CELF1: variants seen among roughly 807,000 people sequenced by gnomAD.
CELF1 encodes the protein CUGBP Elav-like family member 1, also known as 50 kDa nuclear polyadenylated RNA-binding protein.
In CELF1, 10 loss-of-function variants were observed where a neutral mutation model predicts 61.8. The ratio of observed to expected loss-of-function variants is 0.16; its 90% CI spans 0.10 to 0.27. The LOEUF (loss-of-function observed/expected upper bound fraction) is 0.27. Ranked by LOEUF, CELF1 falls within the 10% of genes least tolerant of loss-of-function variation. The pLI is 1.00. For synonymous variants in CELF1, 236 were observed against 225.1 expected, an observed-to-expected ratio of 1.05 and a Z score of -0.43; for missense variants, 380 against 639.1, an observed-to-expected ratio of 0.59 and a Z score of 4.37.
intron 1 of CELF1, among the ~76,000 whole-genome samples, chr11:47,535,517 A>T (rs1210587399): frequency 2.0e-5 from 3 of 151,582 alleles, no homozygotes; most frequent in African/African-American, 7.3e-5. Context: ...CGTCTCTACT[A>T]AAAATAGAAA....
chr11:47,536,344 C>T lies in CELF1; in HGVS notation c.-154+16648G>A, dbSNP rs370702249. On this transcript the variant is annotated intron_variant, in intron 1 of 14. Coordinates refer to ENST00000687097, the MANE Select transcript of CELF1 (RefSeq NM_001376376.1). ...TTGCACCACTGTACTCCATCGTGGG[C>T]GACAAGGCGAGATTGTCATAAATAA... 6.6e-4 allele frequency among the ~76,000 whole-genome samples: 101 copies of T among 152,130 alleles called. 1 individual carries two copies. The highest frequency in any genetic ancestry group is 2.4e-3 in the African/African-American group (98 of 41,504).
At chr11:47,489,277 A>G (rs2089651467) in intron 3 of CELF1, among the ~76,000 whole-genome samples, 1 of 152,088 alleles carries the variant, frequency 6.6e-6, no homozygotes, top group South Asian at 2.1e-4. Flanking sequence ...GACAGTGTAC[A>G]TTTCTTATCT....
At chr11:47,543,505 G>A (rs1410601171) in intron 1 of CELF1, among the ~76,000 whole-genome samples, 2 of 152,098 alleles carry the variant, frequency 1.3e-5, no homozygotes, top group South Asian at 2.1e-4. Flanking sequence ...GCACAGCAGA[G>A]GTTAAAAAAT....
chr11:47,477,132 G>A (rs1371969978), intron 11 of CELF1, 165 bp downstream of exon 11: 3 of 908,114 alleles, frequency 3.3e-6, no homozygotes, highest in Non-Finnish European at 5.1e-6. Context: ...TGAAAATCAG[G>A]AAGATTTCTC....
intron 9 of CELF1, among the ~76,000 whole-genome samples, chr11:47,481,785 T>C (rs2153433093): frequency 6.6e-6 from 1 of 152,340 alleles, no homozygotes; most frequent in South Asian, 2.1e-4. Context: ...CGAGACCTTC[T>C]TTTGGACTAG....
At chr11:47,496,818 G>A (rs567704958) in intron 3 of CELF1, among the ~76,000 whole-genome samples, 19 of 152,164 alleles carry the variant, frequency 1.2e-4, no homozygotes, top group Non-Finnish European at 2.4e-4. Context: ...GAATAAAGAG[G>A]TAGGTCAGAG....
chr11:47,517,109 T>C (rs1230118159), intron 1 of CELF1, among the ~76,000 whole-genome samples: 1 of 151,842 alleles, frequency 6.6e-6, no homozygotes, highest in Non-Finnish European at 1.5e-5. Context: ...TAGCTGGGTG[T>C]GGTGGCACGT....
chr11:47,553,228 C>A (rs2097187639), upstream of CELF1: 1 of 386,076 alleles, frequency 2.6e-6, no homozygotes, highest in South Asian at 1.4e-4. Flanking sequence ...GCGGCGCCGC[C>A]CGCAGCGCCG....
At chr11:47,520,678 G>A (rs559448578) in intron 1 of CELF1, among the ~76,000 whole-genome samples, 11 of 152,212 alleles carry the variant, frequency 7.2e-5, no homozygotes, top group South Asian at 2.1e-4. Flanking sequence ...TGGGCATGGC[G>A]GCATGTGCCT....
chr11:47,522,166 G>T (rs1355563897), intron 1 of CELF1, among the ~76,000 whole-genome samples: 2 of 151,844 alleles, frequency 1.3e-5, no homozygotes, highest in Non-Finnish European at 2.9e-5. Context: ...GCCTGCCTCG[G>T]CCTCCCAAAG....
At chr11:47,542,248 T>C (rs2096828094) in intron 1 of CELF1, among the ~76,000 whole-genome samples, 3 of 152,118 alleles carry the variant, frequency 2.0e-5, no homozygotes, top group Admixed American at 1.3e-4. Flanking sequence ...CAGGTGCCTA[T>C]AATCCCAGCT....
At chr11:47,561,783 T>C (rs2097226368) in intron 2 of CELF1, among the ~76,000 whole-genome samples, 2 of 152,148 alleles carry the variant, frequency 1.3e-5, no homozygotes, top group Non-Finnish European at 2.9e-5. Flanking sequence ...CATAAACTGA[T>C]AAATGGAGAA....
chr11:47,503,367 T>C (rs1023030137), intron 1 of CELF1, among the ~76,000 whole-genome samples: 11 of 152,096 alleles, frequency 7.2e-5, no homozygotes, highest in African/African-American at 2.7e-4. Context: ...TTGATAGATA[T>C]AACCAGGGAG....
chr11:47,508,549 G>GA lies in CELF1; in HGVS notation c.-153-7618dup, dbSNP rs1256215611. ...ATTTTAACTGCCAGGCCAAGAGAAA[G>GA]AAAAAAAAATGAATTTCTTTAAAAA... is the stretch of plus-strand genomic sequence containing the variant. On this transcript the variant is annotated intron_variant, in intron 1 of 14. Coordinates refer to ENST00000687097, the MANE Select transcript of CELF1 (RefSeq NM_001376376.1). Among the ~76,000 whole-genome samples the GA allele has an allele frequency of 5.9e-3, 563 of 95,606 alleles. 2 individuals are homozygous for GA. The highest frequency in any genetic ancestry group is 8.5e-3 in the Non-Finnish European group (387 of 45,456). The allele number at this position is 95,606 out of a possible 152,430, so 62.7% of individuals were successfully genotyped here. A position where few individuals can be genotyped will look rare whatever the true frequency, so the allele number is the denominator to read the frequency against.
At chr11:47,544,459 A>G (rs1162066408) in intron 1 of CELF1, among the ~76,000 whole-genome samples, 3 of 152,202 alleles carry the variant, frequency 2.0e-5, no homozygotes, top group African/African-American at 7.2e-5. Flanking sequence ...GTGGTACCCC[A>G]AATCCACTGT....
chr11:47,509,142 C>A (rs576543159), intron 1 of CELF1, among the ~76,000 whole-genome samples: 1 of 152,282 alleles, frequency 6.6e-6, no homozygotes, highest in South Asian at 2.1e-4. Flanking sequence ...ATTGCCTATT[C>A]TGTGAGAAAA....
At chr11:47,535,592 C>G (rs1287366013) in intron 1 of CELF1, among the ~76,000 whole-genome samples, 2 of 150,034 alleles carry the variant, frequency 1.3e-5, no homozygotes, top group African/African-American at 4.9e-5. Context: ...GCAGGAGAAT[C>G]GCTTGAACCC....
At chr11:47,511,953 C>CAA in intron 1 of CELF1, among the ~76,000 whole-genome samples, 2 of 151,542 alleles carry the variant, frequency 1.3e-5, no homozygotes, top group Non-Finnish European at 2.9e-5. Context: ...GGTTCAAGTG[C>CAA]TTCTTGTGCC....
At chr11:47,544,621 C>A (rs959677855) in intron 1 of CELF1, among the ~76,000 whole-genome samples, 10 of 152,202 alleles carry the variant, frequency 6.6e-5, no homozygotes, top group African/African-American at 2.4e-4. Flanking sequence ...TCAAAATTTT[C>A]TTATTTCTAT....
Sources: gnomAD v4.1 joint callset for allele counts (sites outside exome capture counted in the v4.1 genomes callset) on GRCh38, gnomAD v4.1.1 for gene constraint, MANE v1.5 for transcripts, NCBI Gene and HGNC (gene_info 2026-07-23, HGNC 2026-07-21) for gene names.